DNMBP: variants seen among roughly 807,000 people sequenced by gnomAD.
The protein encoded by DNMBP is dynamin binding protein.
A neutral mutation model predicts 150.0 loss-of-function variants in DNMBP; 87 were observed. That is an observed-to-expected ratio of 0.58 (90% CI 0.49 to 0.69). The LOEUF is 0.69. Among genes scored for constraint, DNMBP ranks in the 30% least tolerant of loss-of-function variants. The pLI, the probability that DNMBP is intolerant of heterozygous loss-of-function variation, is 0.00. For synonymous variants in DNMBP, 711 were observed against 750.4 expected (o/e 0.95, Z 0.86); for missense variants, 1,774 against 1,949.0 (o/e 0.91, Z 1.69).
rs760111873 is a variant in DNMBP, at chr10:99,896,369, A to ATCT, written c.2946_2948dup (p.Glu982dup). ...GTTTGGAAATTTTCTCCATAAGGCTATCTTCATCACCCTTACGGTACTTGA... is the reference window on the plus strand; with the variant it reads ...GTTTGGAAATTTTCTCCATAAGGCTATCTTCTTCATCACCCTTACGGTACTTGA... On this transcript the variant is annotated inframe_insertion, in exon 10 of 17. Transcript: ENST00000324109. 6.2e-7 allele frequency: 1 copy of ATCT among 1,614,052 alleles called. No individual in the cohort carries two copies. Among genetic ancestry groups the ATCT allele is most frequent in the Non-Finnish European group, 8.5e-7 (1 of 1,180,024 alleles).
chr10:99,930,380 CG>C (rs982766488), intron 4 of DNMBP: 5 of 702,950 alleles, frequency 7.1e-6, no homozygotes, highest in Non-Finnish European at 1.3e-5. Flanking sequence ...CACCAGCTTT[CG>C]AGGTCACATC....
At chr10:99,890,926 C>G (rs2251714) in intron 11 of DNMBP, among the ~76,000 whole-genome samples, 1 of 152,120 alleles carries the variant, frequency 6.6e-6, no homozygotes, top group Admixed American at 6.5e-5. Context: ...GGATTACAGG[C>G]ATGAGCAACT....
chr10:99,934,738 C>T (rs2040205520), intron 4 of DNMBP, among the ~76,000 whole-genome samples: 1 of 125,932 alleles, frequency 7.9e-6, no homozygotes, highest in South Asian at 2.5e-4. Flanking sequence ...GGAAATAATG[C>T]GTGGGGACAA....
At chr10:100,001,373 T>C (rs1470840421) in intron 1 of DNMBP, among the ~76,000 whole-genome samples, 1 of 147,860 alleles carries the variant, frequency 6.8e-6, no homozygotes, top group African/African-American at 2.5e-5. Flanking sequence ...AAAAAGTGAT[T>C]AGGGAAACAA....
In DNMBP at chr10:99,956,324, G is replaced by A; in HGVS notation, c.1150C>T (p.Pro384Ser). Reference protein sequence around the residue: ...SYQDEDTAGGPPRSPGVEWEM... With the variant: ...SYQDEDTAGGSPRSPGVEWEM... ...CACTCCACGCCTGGGCTTCTCGGGG[G>A]CCCTCCTGCGGTGTCCTCGTCCTGA... The change falls in exon 4 of 17, where the codon CCC (proline) becomes TCC (serine). Residue 384 changes from proline (P) to serine (S), a missense_variant. Physicochemically the swap from Pro to Ser is moderately conservative, Grantham distance 74. This residue lies in a region of DNMBP where 1,430 missense variants were observed against 1,492.5 expected (regional missense o/e 0.96). Transcript: ENST00000324109. 6.2e-7 allele frequency: 1 copy of A among 1,613,946 alleles called. No homozygotes were observed. Among genetic ancestry groups the A allele is most frequent in the Non-Finnish European group, 8.5e-7 (1 of 1,180,004 alleles).
chr10:99,908,891 T>TA (rs2039860614), intron 5 of DNMBP, 62 bp downstream of exon 5: 2 of 1,471,454 alleles, frequency 1.4e-6, no homozygotes, highest in Non-Finnish European at 1.9e-6. Flanking sequence ...TCCTATATCC[T>TA]AATGCTTCTG....
intron 1 of DNMBP, among the ~76,000 whole-genome samples, chr10:99,996,838 C>T (rs1427937967): frequency 3.3e-5 from 5 of 152,160 alleles, no homozygotes; most frequent in Non-Finnish European, 7.4e-5. Context: ...GGCTCACTAT[C>T]CCACAGAACT....
intron 1 of DNMBP, among the ~76,000 whole-genome samples, chr10:99,984,263 T>C (rs924242808): frequency 3.3e-5 from 5 of 152,236 alleles, no homozygotes; most frequent in Non-Finnish European, 5.9e-5. Context: ...TCAAATGGGT[T>C]AACCTAGGAG....
intron 9 of DNMBP, among the ~76,000 whole-genome samples, chr10:99,897,505 T>G (rs973882534): frequency 3.3e-5 from 5 of 152,224 alleles, no homozygotes; most frequent in African/African-American, 9.6e-5. Context: ...CGTGCTCGAA[T>G]AAAACTTCCC....
chr10:99,915,404 T>TAA (rs11464815), intron 4 of DNMBP, among the ~76,000 whole-genome samples: 91 of 144,670 alleles, frequency 6.3e-4, no homozygotes, highest in African/African-American at 1.8e-3. Flanking sequence ...ACAAAATAAT[T>TAA]AAAAAAAAAA....
chr10:99,891,329 A>G lies in DNMBP; in HGVS notation c.3157-2376T>C, dbSNP rs968914069. ...CTGCCCAGTGCCTGCGATTGCAGGC[A>G]CGCGCCACCACGCCTGACTGGTTTT... is the stretch of plus-strand genomic sequence containing the variant. On this transcript the variant is annotated intron_variant, in intron 11 of 16. Transcript: ENST00000324109. Among the ~76,000 whole-genome samples the G allele has an allele frequency of 6.9e-5, 10 of 144,894 alleles. No homozygotes were observed. In the South Asian group the frequency reaches 1.2e-3, roughly 18 times the overall value.
intron 1 of DNMBP, among the ~76,000 whole-genome samples, chr10:99,983,022 T>C (rs1180327371): frequency 6.6e-6 from 1 of 152,040 alleles, no homozygotes; most frequent in African/African-American, 2.4e-5. Context: ...GGGGTTTCCT[T>C]AACTGAAAGA....
Position 99,891,462 on chromosome 10 carries a change from C to T in DNMBP, c.3157-2509G>A, listed in dbSNP as rs890483572. On this transcript the variant is annotated intron_variant, in intron 11 of 16. Transcript: ENST00000324109. ...GGTGCCGGGATTGCAGACGGAGTCT[C>T]GTTCACTCAGTGCTCAATGGTGCCC... 1.1e-4 allele frequency among the ~76,000 whole-genome samples: 16 copies of T among 152,136 alleles called. No homozygotes were observed. The South Asian group carries it at 3.3e-3, about 32-fold the overall frequency.
intron 1 of DNMBP, among the ~76,000 whole-genome samples, chr10:100,005,183 G>A (rs2041054703): frequency 6.6e-6 from 1 of 152,192 alleles, no homozygotes; most frequent in African/African-American, 2.4e-5. Context: ...GGCAGCCACT[G>A]TGGAGAGGCA....
At position 99,955,299 on chromosome 10, in the gene DNMBP, T is replaced by C; in HGVS notation, c.2175A>G (p.Glu725=). The C allele has an allele frequency of 1.2e-6, 2 of 1,614,152 alleles. No homozygotes were observed. The highest frequency in any genetic ancestry group is 1.7e-6 in the Non-Finnish European group (2 of 1,180,012). ...CCTCGAGGGTCTCTGCTCTTGATGA[T>C]TCATCCTGCTTCTCCTCCAGCATGA... ...LNLMLEEKQD[E]SSRAETLEDL... Residue 725 remains glutamate (E), a synonymous_variant, in exon 4 of 17, where the codon GAA becomes GAG. Coordinates refer to ENST00000324109, the MANE Select transcript of DNMBP (RefSeq NM_015221.4).
intron 14 of DNMBP, among the ~76,000 whole-genome samples, chr10:99,884,635 A>G (rs1717565444): frequency 6.6e-6 from 1 of 152,204 alleles, no homozygotes; most frequent in African/African-American, 2.4e-5. Context: ...CAGGCTGGGC[A>G]TGGTTGCTCA....
At position 99,915,058 on chromosome 10, in the gene DNMBP, C is replaced by T. The variant is rs2039945700; in HGVS notation, c.2261-5912G>A. ...GCAGTGAGCCGAGATCGTACCATTG[C>T]ACTCCAGCCTGGGCAACAAGTGTGA... On this transcript the variant is annotated intron_variant, in intron 4 of 16. Transcript: ENST00000324109. Among the ~76,000 whole-genome samples the T allele has an allele frequency of 4.9e-5, 7 of 142,784 alleles. No homozygotes were observed. The Admixed American group carries it at 5.2e-4, about 11-fold the overall frequency. 93.7% of individuals were successfully genotyped at this position (142,784 alleles called of 152,430 possible). A position where few individuals can be genotyped will look rare whatever the true frequency, so the allele number is the denominator to read the frequency against.
chr10:99,957,104 G>A lies in DNMBP; in HGVS notation c.370C>T (p.Leu124Phe), dbSNP rs375722443. Residue 124 changes from leucine to phenylalanine, a missense_variant, in exon 4 of 17, where the codon CTC becomes TTC. Transcript: ENST00000324109. ...GFFPSSCVRE[L>F]CLSSQSRQWH... ...TGCCGGCTCTGTGAGGAGAGGCAGA[G>A]CTCGCGGACACATGAAGATGGGAAG... 3.7e-6 allele frequency: 6 copies of A among 1,614,064 alleles called. No individual in the cohort carries two copies. The South Asian group carries it at 4.4e-5, about 12-fold the overall frequency.
At position 99,943,076 on chromosome 10, in the gene DNMBP, G is replaced by A. The variant is rs540576099; in HGVS notation, c.2260+12138C>T. ...GGGGGGGGCGGATCACCTGAGGTCA[G>A]GCGTTCGAGACTAGCCTGGCCAACA... On this transcript the variant is annotated intron_variant, in intron 4 of 16. Coordinates refer to ENST00000324109, the MANE Select transcript of DNMBP (RefSeq NM_015221.4). 8.5e-5 allele frequency among the ~76,000 whole-genome samples: 13 copies of A among 152,286 alleles called. No homozygotes were observed. The South Asian group carries it at 2.7e-3, about 32-fold the overall frequency.
Sources: gnomAD v4.1 joint callset for allele counts (sites outside exome capture counted in the v4.1 genomes callset) on GRCh38, gnomAD v4.1.1 for gene constraint, gnomAD v4.1.1 regional missense constraint, MANE v1.5 for transcripts, NCBI Gene and HGNC (gene_info 2026-07-23, HGNC 2026-07-21) for gene names.